The following FARS2 variants were observed in gnomAD, a reference collection of about 807,000 sequenced individuals.
FARS2 encodes phenylalanyl-tRNA synthetase 2, mitochondrial.
A neutral mutation model predicts 46.4 loss-of-function variants in FARS2; 40 were observed. The ratio of observed to expected loss-of-function variants is 0.86; its 90% confidence interval spans 0.67 to 1.12. The LOEUF is 1.12. Ranked by LOEUF, FARS2 falls within the 50% of genes most tolerant of loss-of-function variation. The pLI, the probability that FARS2 is intolerant of heterozygous loss-of-function variation, is 0.00. For missense variants in FARS2, 513 were observed against 567.9 expected, an observed-to-expected ratio of 0.90 and a Z score of 0.98; for synonymous variants, 234 against 214.9, an observed-to-expected ratio of 1.09 and a Z score of -0.78.
chr6:5,354,349 A>G (rs369159016), intron 1 of FARS2, among the ~76,000 whole-genome samples: 1 of 152,308 alleles, frequency 6.6e-6, no homozygotes, highest in East Asian at 1.9e-4. Context: ...TCTGCTGACC[A>G]ACGGAAATCA....
At chr6:5,368,424 G>A in intron 1 of FARS2, 126 bp from the exon 2 acceptor site, 1 of 751,884 alleles carries the variant, frequency 1.3e-6, no homozygotes, top group South Asian at 1.8e-5. Flanking sequence ...TCTTTCAGCT[G>A]TGTGGAGGTC....
intron 1 of FARS2, among the ~76,000 whole-genome samples, chr6:5,326,721 T>C (rs1230312290): frequency 6.6e-6 from 1 of 152,204 alleles, no homozygotes; most frequent in Non-Finnish European, 1.5e-5. Context: ...CAGGGTTTGC[T>C]CCGTCATCAT....
At chr6:5,568,499 T>C (rs1024858870) in intron 5 of FARS2, among the ~76,000 whole-genome samples, 1 of 152,152 alleles carries the variant, frequency 6.6e-6, no homozygotes, top group South Asian at 2.1e-4. Context: ...TTAATATGTA[T>C]AGGTGCTTGA....
intron 3 of FARS2, among the ~76,000 whole-genome samples, chr6:5,405,314 T>C (rs1761503208): frequency 6.6e-6 from 1 of 152,088 alleles, no homozygotes; most frequent in Admixed American, 6.5e-5. Flanking sequence ...TGGCTGCAGA[T>C]TGGCACTCAG....
intron 6 of FARS2, among the ~76,000 whole-genome samples, chr6:5,755,170 A>G (rs575106685): frequency 3.3e-5 from 5 of 152,070 alleles, no homozygotes; most frequent in Non-Finnish European, 5.9e-5. Flanking sequence ...TCATTTTTAA[A>G]TTATATTTTT....
intron 4 of FARS2, among the ~76,000 whole-genome samples, chr6:5,456,179 A>C (rs1275875521): frequency 6.6e-6 from 1 of 151,990 alleles, no homozygotes; most frequent in Non-Finnish European, 1.5e-5. Context: ...GTGCCACTGC[A>C]TTCCAGCCTG....
intron 4 of FARS2, among the ~76,000 whole-genome samples, chr6:5,480,201 G>A (rs1766370442): frequency 6.6e-6 from 1 of 152,242 alleles, no homozygotes. Context: ...AGAAAATCAT[G>A]ATCGTCTAAA....
chr6:5,608,286 A>AT (rs1279967683), intron 5 of FARS2, among the ~76,000 whole-genome samples: 1 of 152,084 alleles, frequency 6.6e-6, no homozygotes, highest in Non-Finnish European at 1.5e-5. Context: ...GGGATCACAC[A>AT]TTTTTGCCTA....
intron 1 of FARS2, among the ~76,000 whole-genome samples, chr6:5,335,700 A>G (rs1164937292): frequency 6.6e-6 from 1 of 152,206 alleles, no homozygotes; most frequent in African/African-American, 2.4e-5. Context: ...AGTGTCATAA[A>G]TGAGTTTTTC....
chr6:5,685,722 C>T (rs1757146472), intron 6 of FARS2, among the ~76,000 whole-genome samples: 1 of 152,144 alleles, frequency 6.6e-6, no homozygotes, highest in South Asian at 2.1e-4. Context: ...GCTATACCCT[C>T]TCTTGGACCA....
At chr6:5,749,159 T>TC (rs1294825248) in intron 6 of FARS2, among the ~76,000 whole-genome samples, 1 of 151,938 alleles carries the variant, frequency 6.6e-6, no homozygotes, top group Non-Finnish European at 1.5e-5. Flanking sequence ...ATACCAGCCC[T>TC]CCCCCAGGGA....
chr6:5,348,566 G>T, intron 1 of FARS2, among the ~76,000 whole-genome samples: 1 of 45,752 alleles, frequency 2.2e-5, no homozygotes, highest in South Asian at 5.6e-4. Context: ...AGTAATCTGT[G>T]CCACCGTGGT....
chr6:5,721,497 A>G (rs1185754266), intron 6 of FARS2, among the ~76,000 whole-genome samples: 2 of 147,376 alleles, frequency 1.4e-5, no homozygotes, highest in African/African-American at 2.4e-5. Context: ...CGATTAGTCT[A>G]TCTTGCAATT....
intron 6 of FARS2, among the ~76,000 whole-genome samples, chr6:5,660,472 C>A (rs3749859): frequency 0.14 from 21,821 of 151,716 alleles, 1,865 homozygotes; most frequent in Middle Eastern, 0.27. Flanking sequence ...ATAGTGAGAC[C>A]CCCATCTCTA....
intron 5 of FARS2, among the ~76,000 whole-genome samples, chr6:5,565,717 A>G (rs1478711513): frequency 6.6e-6 from 1 of 152,210 alleles, no homozygotes; most frequent in African/African-American, 2.4e-5. Flanking sequence ...TCATGTGACT[A>G]AACATCTCAA....
chr6:5,594,905 C>A (rs984252644), intron 5 of FARS2, among the ~76,000 whole-genome samples: 1 of 152,188 alleles, frequency 6.6e-6, no homozygotes, highest in East Asian at 1.9e-4. Context: ...TTGCTGAGCC[C>A]CTGACAGGAA....
chr6:5,709,897 A>T (rs1341555660), intron 6 of FARS2, among the ~76,000 whole-genome samples: 1 of 152,164 alleles, frequency 6.6e-6, no homozygotes, highest in Non-Finnish European at 1.5e-5. Flanking sequence ...TGCTCATATT[A>T]ACCTGCACTT....
At chr6:5,424,414 A>C (rs2127756099) in intron 3 of FARS2, among the ~76,000 whole-genome samples, 1 of 152,354 alleles carries the variant, frequency 6.6e-6, no homozygotes, top group East Asian at 1.9e-4. Flanking sequence ...GACTTCTTAT[A>C]TGAATGTGGG....
At chr6:5,564,012 A>G (rs752218480) in intron 5 of FARS2, among the ~76,000 whole-genome samples, 2 of 152,202 alleles carry the variant, frequency 1.3e-5, no homozygotes, top group African/African-American at 2.4e-5. Context: ...ACTAAACCCA[A>G]TAAAAAGTCC....
Sources: allele counts gnomAD v4.1 joint callset (sites outside exome capture counted in the v4.1 genomes callset), GRCh38; gene constraint gnomAD v4.1.1; transcripts MANE v1.5; gene names NCBI Gene and HGNC (gene_info 2026-07-23, HGNC 2026-07-21).